Variants in LRBA observed in about 807,000 individuals in gnomAD.
LRBA encodes the protein lipopolysaccharide-responsive and beige-like anchor protein.
LRBA carries 176 observed loss-of-function variants against 330.0 expected under a neutral mutation model. The observed-to-expected ratio is 0.53, with a 90% CI of 0.47 to 0.60. LRBA has a LOEUF of 0.60. Among genes scored for constraint, LRBA ranks in the 20% least tolerant of loss-of-function variants. The pLI is 0.00. For missense variants in LRBA, 3,259 were observed against 3,444.8 expected (o/e 0.95, Z 1.35); for synonymous variants, 1,230 against 1,193.0 (o/e 1.03, Z -0.64).
chr4:150,939,174 T>C (rs1735414838), intron 2 of LRBA, among the ~76,000 whole-genome samples: 1 of 152,170 alleles, frequency 6.6e-6, no homozygotes, highest in South Asian at 2.1e-4. Flanking sequence ...ACAGGTTGAA[T>C]TGTGTTCTCC....
intron 40 of LRBA, among the ~76,000 whole-genome samples, chr4:150,568,228 T>C (rs1395631410): frequency 6.6e-6 from 1 of 151,862 alleles, no homozygotes; most frequent in Non-Finnish European, 1.5e-5. Flanking sequence ...CATCCAATGA[T>C]AGATGTAAGA....
rs145107717 is a variant in LRBA, at chr4:150,992,456, G to C, written c.216+21971C>G. Among the ~76,000 whole-genome samples the C allele has an allele frequency of 3.9e-4, 60 of 152,302 alleles. 1 individual carries two copies. Among genetic ancestry groups the C allele is most frequent in the African/African-American group, 1.1e-3 (47 of 41,574 alleles). Reference sequence around the variant, plus strand: ...GTGAGAGACAGTAAACGAAGTGTAGGATGAGTTAGAGCATCAGAGGTCATG... The same window carrying C: ...GTGAGAGACAGTAAACGAAGTGTAGCATGAGTTAGAGCATCAGAGGTCATG... On this transcript the variant is annotated intron_variant, in intron 2 of 56. Transcript: ENST00000651943.
intron 37 of LRBA, 43 bp downstream of exon 37, chr4:150,683,508 T>A: frequency 6.6e-7 from 1 of 1,516,512 alleles, no homozygotes; most frequent in Non-Finnish European, 9.1e-7. Context: ...ACCTAAGCCA[T>A]CTACAGAAAA....
At chr4:151,011,371 G>A (rs1744821512) in intron 2 of LRBA, among the ~76,000 whole-genome samples, 1 of 152,114 alleles carries the variant, frequency 6.6e-6, no homozygotes, top group Non-Finnish European at 1.5e-5. Flanking sequence ...GGCTGAACGG[G>A]TGGATCACCT....
In LRBA at chr4:150,543,447, C is replaced by A. The variant is rs544281721; in HGVS notation, c.6330+44601G>T. The stretch of plus-strand genomic sequence containing the variant: ...AGTTTAGAAAATGAGTAACTATCCA[C>A]TTATCTGTTTTAACCAAATATTTTC... On this transcript the variant is annotated intron_variant, in intron 40 of 56. Transcript: ENST00000651943. Among the ~76,000 whole-genome samples the A allele has an allele frequency of 3.3e-4, 51 of 152,296 alleles. 3 individuals are homozygous for A. In the South Asian group the frequency reaches 0.011, roughly 32 times the overall value.
chr4:150,516,743 A>G (rs1165324216), intron 40 of LRBA, among the ~76,000 whole-genome samples: 1 of 152,152 alleles, frequency 6.6e-6, no homozygotes, highest in Non-Finnish European at 1.5e-5. Context: ...TGCTGACAAG[A>G]GTGCAGACAA....
chr4:150,465,198 CA>C (rs1290957413), intron 44 of LRBA, among the ~76,000 whole-genome samples: 1 of 152,032 alleles, frequency 6.6e-6, no homozygotes, highest in Non-Finnish European at 1.5e-5. Context: ...ATAACATCCT[CA>C]AGGGTTATTC....
At chr4:150,687,924 A>G (rs1476979788) in intron 36 of LRBA, among the ~76,000 whole-genome samples, 2 of 152,172 alleles carry the variant, frequency 1.3e-5, no homozygotes, top group African/African-American at 4.8e-5. Flanking sequence ...CCTACCAATG[A>G]CTTTCTTCAC....
intron 17 of LRBA, among the ~76,000 whole-genome samples, chr4:150,883,036 T>C (rs1035210903): frequency 1.3e-5 from 2 of 152,244 alleles, no homozygotes; most frequent in Non-Finnish European, 2.9e-5. Context: ...CTATATTATC[T>C]GTCACCAATA....
intron 36 of LRBA, among the ~76,000 whole-genome samples, chr4:150,708,978 C>T (rs1307832673): frequency 1.3e-5 from 2 of 151,728 alleles, no homozygotes; most frequent in Non-Finnish European, 3.0e-5. Flanking sequence ...CTATTCATGA[C>T]CTTTAAATTC....
chr4:150,264,476 A>T lies in LRBA; in HGVS notation c.*1246T>A, dbSNP rs962878621. 1.3e-5 allele frequency: 2 copies of T among 151,830 alleles called. No individual in the cohort carries two copies. Among genetic ancestry groups the T allele is most frequent in the African/African-American group, 2.4e-5 (1 of 41,360 alleles). The allele number at this position is 151,830 out of a possible 1,614,324, so 9.4% of individuals were successfully genotyped here. ...TTTGTGAATCATTATTTTATTAATG[A>T]TGTTTAAAATTTAGGAGCAAAAAAG... On this transcript the variant is annotated 3_prime_UTR_variant, in exon 57 of 57. Transcript: ENST00000651943.
intron 44 of LRBA, among the ~76,000 whole-genome samples, chr4:150,443,873 T>TATA (rs1491391084): frequency 1.2e-3 from 23 of 18,628 alleles, no homozygotes; most frequent in East Asian, 6.4e-3. Flanking sequence ...TATATATATA[T>TATA]TTTTTTTTTT....
chr4:150,541,252 G>A (rs1342872260), intron 40 of LRBA, among the ~76,000 whole-genome samples: 1 of 152,174 alleles, frequency 6.6e-6, no homozygotes, highest in Non-Finnish European at 1.5e-5. Flanking sequence ...ACTGAGCTGA[G>A]TCAGCTCCAC....
At chr4:150,508,084 G>C (rs977999074) in intron 40 of LRBA, among the ~76,000 whole-genome samples, 2 of 117,688 alleles carry the variant, frequency 1.7e-5, no homozygotes, top group Non-Finnish European at 3.4e-5. Context: ...GTTGTGGGGT[G>C]GGGGGAGGGG....
intron 5 of LRBA, among the ~76,000 whole-genome samples, chr4:150,920,252 T>C (rs925614075): frequency 8.5e-5 from 13 of 152,150 alleles, no homozygotes; most frequent in African/African-American, 3.1e-4. Flanking sequence ...ATATCTTTTT[T>C]AAAAGTTTGT....
intron 51 of LRBA, 41 bp downstream of exon 51, chr4:150,315,520 C>A (rs756398353): frequency 3.3e-6 from 5 of 1,537,210 alleles, no homozygotes; most frequent in Non-Finnish European, 4.5e-6. Context: ...GGCCACCATA[C>A]AGAGCTTAAT....
At chr4:150,639,817 GTGTATATATATA>G (rs1171278090) in intron 37 of LRBA, among the ~76,000 whole-genome samples, 32 of 5,360 alleles carry the variant, frequency 6.0e-3, no homozygotes, top group African/African-American at 7.1e-3. Context: ...GTGTGTGTGT[GTGTATATATATA>G]TATATATATA....
intron 40 of LRBA, among the ~76,000 whole-genome samples, chr4:150,532,863 C>T (rs952225): frequency 0.63 from 94,927 of 151,806 alleles, 29,784 homozygotes; most frequent in East Asian, 0.7. Context: ...TACATCACAA[C>T]AATTGTTGAA....
At chr4:150,797,965 G>C (rs1233726718) in intron 34 of LRBA, 116 bp downstream of exon 34, 1 of 631,456 alleles carries the variant, frequency 1.6e-6, no homozygotes. Context: ...TTTTAAAACA[G>C]CAAACTCACA....
Sources: gnomAD v4.1 joint callset for allele counts (sites outside exome capture counted in the v4.1 genomes callset) on GRCh38, gnomAD v4.1.1 for gene constraint, MANE v1.5 for transcripts, NCBI Gene and HGNC (gene_info 2026-07-23, HGNC 2026-07-21) for gene names.